Variants in CCDC18 observed in about 807,000 individuals in gnomAD.
CCDC18 encodes the protein coiled-coil domain containing 18, also known as coiled-coil domain-containing protein 18.
In CCDC18, 157 loss-of-function variants were observed where a neutral mutation model predicts 196.0. The ratio of observed to expected loss-of-function variants is 0.80; its 90% CI spans 0.70 to 0.91. The LOEUF (loss-of-function observed/expected upper bound fraction) is 0.91, where lower values mean the gene tolerates loss of function less well. Among genes scored for constraint, CCDC18 ranks in the 40% least tolerant of loss-of-function variants. The pLI, the probability that CCDC18 is intolerant of heterozygous loss-of-function variation, is 0.00. For missense variants in CCDC18, 1,465 were observed against 1,611.6 expected, an observed-to-expected ratio of 0.91 and a Z score of 1.56; for synonymous variants, 482 against 529.2, an observed-to-expected ratio of 0.91 and a Z score of 1.22.
Position 93,256,451 on chromosome 1 carries a change from G to T in CCDC18, c.3459G>T (p.Glu1153Asp), listed in dbSNP as rs774298308. Residue 1153 changes from glutamate to aspartate, a missense_variant, in exon 25 of 29, where the codon GAG becomes GAT. Coordinates refer to ENST00000690025, the MANE Select transcript of CCDC18 (RefSeq NM_001378204.1). ...QVQNSHTELA[E>D]ARHQQVQAQR... The stretch of plus-strand genomic sequence containing the variant: ...AGAACTCTCATACAGAATTGGCAGA[G>T]GCTCGTCATCAGCAAGTCCAAGCAC... 6.2e-7 allele frequency: 1 copy of T among 1,613,950 alleles called. No homozygotes were observed. Among genetic ancestry groups the T allele is most frequent in the African/African-American group, 1.3e-5 (1 of 74,910 alleles).
chr1:93,183,491 T>G lies in CCDC18; in HGVS notation c.130T>G (p.Ser44Ala). Residue 44 changes from serine to alanine, a missense_variant, in exon 2 of 29, where the codon TCC becomes GCC. Ser to Ala is a moderately conservative substitution (Grantham distance 99). Coordinates refer to ENST00000690025, the MANE Select transcript of CCDC18 (RefSeq NM_001378204.1). ...WSLQSLGEELSSVSPSENSDY... is the reference protein window; with the variant it reads ...WSLQSLGEELASVSPSENSDY... ...TTTGCAGAGTTTAGGGGAAGAGTTA[T>G]CCAGGTAAGTAAGTAAAATCACATA... The G allele has an allele frequency of 1.3e-6, 2 of 1,586,048 alleles. No individual in the cohort carries two copies. Among genetic ancestry groups the G allele is most frequent in the Non-Finnish European group, 1.7e-6 (2 of 1,167,356 alleles).
intron 21 of CCDC18, among the ~76,000 whole-genome samples, chr1:93,241,824 A>G (rs1398883295): frequency 6.6e-6 from 1 of 152,092 alleles, no homozygotes; most frequent in East Asian, 1.9e-4. Context: ...CTCCTTCACA[A>G]ATGAAAATAA....
Position 93,192,009 on chromosome 1 carries a change from C to T in CCDC18, c.472C>T (p.Leu158Phe). 2 of 1,610,276 alleles carry T rather than the reference C, an allele frequency of 1.2e-6. No homozygotes were observed. Among genetic ancestry groups the T allele is most frequent in the Non-Finnish European group, 1.7e-6 (2 of 1,176,974 alleles). ...TGTTTTTATGTTTTAGGTTTCTATG[C>T]TTGAGTCTGCTCAACAGCAGGCAGC... The part of the protein sequence containing the change: ...LTQSRAKVSM[L>F]ESAQQQAASV... The change falls in exon 5 of 29, where the codon CTT becomes TTT. Residue 158 changes from leucine to phenylalanine, a missense_variant. Coordinates refer to ENST00000690025, the MANE Select transcript of CCDC18 (RefSeq NM_001378204.1).
chr1:93,240,539 G>A (rs1398699608), intron 21 of CCDC18, among the ~76,000 whole-genome samples: 5 of 152,156 alleles, frequency 3.3e-5, no homozygotes. Context: ...AAATTAGGAT[G>A]TAAAATGTGA....
intron 20 of CCDC18, 99 bp from the exon 21 acceptor site, chr1:93,239,584 G>C: frequency 7.4e-7 from 1 of 1,346,588 alleles, no homozygotes; most frequent in East Asian, 2.4e-5. Flanking sequence ...GTGGTATTTT[G>C]CCTCTCGTAG....
intron 21 of CCDC18, among the ~76,000 whole-genome samples, chr1:93,244,386 T>A (rs1661220006): frequency 1.3e-5 from 2 of 152,246 alleles, no homozygotes; most frequent in African/African-American, 4.8e-5. Context: ...AGAATATTAT[T>A]CAGTCATAAA....
intron 28 of CCDC18, among the ~76,000 whole-genome samples, chr1:93,277,850 C>T (rs951113671): frequency 6.6e-6 from 1 of 152,024 alleles, no homozygotes; most frequent in Non-Finnish European, 1.5e-5. Context: ...TTATTGTGCT[C>T]TCAAACTATA....
chr1:93,188,445 T>A (rs1651100849), intron 4 of CCDC18, among the ~76,000 whole-genome samples: 1 of 152,238 alleles, frequency 6.6e-6, no homozygotes, highest in Non-Finnish European at 1.5e-5. Context: ...TTATTCTTTC[T>A]GTATTTGGAG....
At chr1:93,244,040 C>T (rs768812699) in intron 21 of CCDC18, among the ~76,000 whole-genome samples, 3 of 152,106 alleles carry the variant, frequency 2.0e-5, no homozygotes, top group East Asian at 1.9e-4. Flanking sequence ...TGAGTTTTCA[C>T]GCTGTTGATA....
intron 23 of CCDC18, among the ~76,000 whole-genome samples, chr1:93,253,541 C>G (rs1222215835): frequency 6.6e-6 from 1 of 152,138 alleles, no homozygotes; most frequent in African/African-American, 2.4e-5. Flanking sequence ...GCTTAGACTC[C>G]TAGGCAGCAG....
chr1:93,246,984 A>T (rs1661572727), intron 23 of CCDC18, 30 bp downstream of exon 23: 1 of 933,752 alleles, frequency 1.1e-6, no homozygotes. Flanking sequence ...CGTATTTTAA[A>T]TTATTTTTTA....
At chr1:93,266,287 T>C (rs1010734033) in intron 27 of CCDC18, among the ~76,000 whole-genome samples, 6 of 152,140 alleles carry the variant, frequency 3.9e-5, no homozygotes, top group East Asian at 1.9e-4. Flanking sequence ...GGGACACATT[T>C]AAAGCAGTGT....
At chr1:93,254,053 T>C (rs957210469) in intron 23 of CCDC18, among the ~76,000 whole-genome samples, 7 of 152,144 alleles carry the variant, frequency 4.6e-5, no homozygotes, top group Admixed American at 4.6e-4. Context: ...AGACACAATT[T>C]TCATTTTGTA....
Position 93,239,419 on chromosome 1 carries a change from T to C in CCDC18, c.2713T>C (p.Leu905=), listed in dbSNP as rs201869243. 6.2e-7 allele frequency: 1 copy of C among 1,612,596 alleles called. No individual in the cohort carries two copies. Residue 905 remains leucine (L), a synonymous_variant, in exon 20 of 29, where the codon TTA becomes CTA. Transcript: ENST00000690025. ...GENKAMHLSQ[L]DMILDQTKTE... ...AAATAAAGCAATGCACCTCTCTCAA[T>C]TAGATATGATCTTAGATCAGACAAA...
rs1665135218 is a variant in CCDC18, at chr1:93,270,455, G to A, written c.3994G>A (p.Val1332Ile). 6.4e-7 allele frequency: 1 copy of A among 1,550,404 alleles called. No individual in the cohort carries two copies. Among genetic ancestry groups the A allele is most frequent in the African/African-American group, 1.4e-5 (1 of 73,172 alleles). The change falls in exon 28 of 29, where the codon GTT (valine) becomes ATT (isoleucine). Residue 1332 changes from valine (V) to isoleucine (I), a missense_variant. Transcript: ENST00000690025. ...ATCTCCAACAGAAATTATGCCTGAT[G>A]TTCAAGATCCAAAATTTGCTAAATG... is the stretch of plus-strand genomic sequence containing the variant. ...FTSPTEIMPD[V>I]QDPKFAKCFH...
At chr1:93,254,642 C>CAAGT in intron 24 of CCDC18, 28 bp downstream of exon 24, 1 of 1,588,760 alleles carries the variant, frequency 6.3e-7, no homozygotes. Flanking sequence ...ACCTAAGGAA[C>CAAGT]AAGTGGTAGT....
chr1:93,213,183 G>A (rs1402185183), intron 11 of CCDC18, among the ~76,000 whole-genome samples: 1 of 152,010 alleles, frequency 6.6e-6, no homozygotes, highest in Non-Finnish European at 1.5e-5. Context: ...CCTACTATGT[G>A]GCCCAGTTCC....
chr1:93,188,170 G>T (rs1230088027), intron 4 of CCDC18, among the ~76,000 whole-genome samples: 2 of 152,126 alleles, frequency 1.3e-5, no homozygotes, highest in African/African-American at 4.8e-5. Flanking sequence ...ATTTTTTAGG[G>T]AAGCCACCTA....
At chr1:93,180,608 G>C, upstream of CCDC18, 3 of 1,351,748 alleles carry the variant, frequency 2.2e-6, no homozygotes, top group Non-Finnish European at 2.9e-6. Context: ...TAGTGGGCTC[G>C]GGCGCGCTCG....
Sources: gnomAD v4.1 joint callset for allele counts (sites outside exome capture counted in the v4.1 genomes callset) on GRCh38, gnomAD v4.1.1 for gene constraint, MANE v1.5 for transcripts, NCBI Gene and HGNC (gene_info 2026-07-23, HGNC 2026-07-21) for gene names.